The following NPHP3 variants were observed in gnomAD, a reference collection of about 807,000 sequenced individuals.
NPHP3 encodes nephrocystin 3.
NPHP3 carries 123 observed loss-of-function variants against 171.9 expected under a neutral mutation model. The observed-to-expected ratio is 0.72, with a 90% confidence interval of 0.62 to 0.83. The LOEUF (loss-of-function observed/expected upper bound fraction) is 0.83. Ranked by LOEUF, NPHP3 falls within the 40% of genes least tolerant of loss-of-function variation. The pLI, the probability that NPHP3 is intolerant of heterozygous loss-of-function variation, is 0.00. For missense variants in NPHP3, 1,506 were observed against 1,591.9 expected, an observed-to-expected ratio of 0.95 and a Z score of 0.92; for synonymous variants, 558 against 579.2, an observed-to-expected ratio of 0.96 and a Z score of 0.52.
At chr3:132,700,558 G>T in intron 10 of NPHP3, 110 bp from the exon 11 acceptor site, 1 of 611,624 alleles carries the variant, frequency 1.6e-6, no homozygotes, top group South Asian at 2.1e-5. Context: ...TGAGCAATCA[G>T]GTGGTCAGTT....
Position 132,680,987 on chromosome 3 carries a change from AT to A in NPHP3, c.*922del, listed in dbSNP as rs1939011250. The A allele has an allele frequency of 6.6e-6, 1 of 152,200 alleles. No homozygotes were observed. Among genetic ancestry groups the A allele is most frequent in the Non-Finnish European group, 1.5e-5 (1 of 68,026 alleles). The allele number at this position is 152,200 out of a possible 1,614,324, so 9.4% of individuals were successfully genotyped here. ...ATGCAGATACATATACTATATAGTA[AT>A]AAATAATACACAATGTAGACAGAAC... is the stretch of plus-strand genomic sequence containing the variant. On this transcript the variant is annotated 3_prime_UTR_variant, in exon 27 of 27. Coordinates refer to ENST00000337331, the MANE Select transcript of NPHP3 (RefSeq NM_153240.5).
intron 6 of NPHP3, among the ~76,000 whole-genome samples, chr3:132,709,209 A>C (rs985832608): frequency 1.3e-5 from 2 of 151,836 alleles, no homozygotes; most frequent in African/African-American, 4.8e-5. Flanking sequence ...TTCTAGAAAA[A>C]AAAGTCCTAG....
chr3:132,688,873 T>C lies in NPHP3; in HGVS notation c.2902A>G (p.Arg968Gly), dbSNP rs765855144. The part of the protein sequence containing the change: ...LLSQAIVPLQ[R>G]SLEIRETALD... ...GCTGTTTCTCGAATCTCTAAAGACC[T>C]CTGCAAAGGTACTATGGCCTGGGGG... The change falls in exon 21 of 27, where the codon AGG becomes GGG. Residue 968 changes from arginine to glycine, a missense_variant. By Grantham distance (125) the Arg-to-Gly change is moderately radical. This residue lies in a region of NPHP3 where 569 missense variants were observed against 648.1 expected (regional missense o/e 0.88). Transcript: ENST00000337331. 1.2e-6 allele frequency: 2 copies of C among 1,614,060 alleles called. No individual in the cohort carries two copies. The highest frequency in any genetic ancestry group is 1.1e-5 in the South Asian group (1 of 91,082).
At position 132,683,539 on chromosome 3, in the gene NPHP3, T is replaced by A. The variant is rs1212225915; in HGVS notation, c.3571-15A>T. The A allele has an allele frequency of 8.1e-6, 13 of 1,605,682 alleles. No individual in the cohort carries two copies. Among genetic ancestry groups the A allele is most frequent in the Non-Finnish European group, 1.0e-5 (12 of 1,173,562 alleles). On this transcript the variant is annotated splice_polypyrimidine_tract_variant and intron_variant, in intron 24 of 26. Coordinates refer to ENST00000337331, the MANE Select transcript of NPHP3 (RefSeq NM_153240.5). ...TCAAGTTTCCCCTAAAAAACAAGAGTTAAATCTAACAAAAATATAAGGCAA... is the reference window on the plus strand; with the variant it reads ...TCAAGTTTCCCCTAAAAAACAAGAGATAAATCTAACAAAAATATAAGGCAA...
Position 132,685,158 on chromosome 3 carries a change from C to A in NPHP3, c.3330-364G>T, listed in dbSNP as rs776635726. ...AGTTAGTACTAAATAATTTTTATTT[C>A]TTTATTTTGTTTTTTTGTATGTGTG... On this transcript the variant is annotated intron_variant, in intron 23 of 26. Coordinates refer to ENST00000337331, the MANE Select transcript of NPHP3 (RefSeq NM_153240.5). 11 of 244,888 alleles carry A rather than the reference C, an allele frequency of 4.5e-5. No homozygotes were observed. The Admixed American group carries it at 5.1e-4, about 11-fold the overall frequency. 15.2% of individuals were successfully genotyped at this position (244,888 alleles called of 1,614,324 possible). A position where few individuals can be genotyped will look rare whatever the true frequency, so the allele number is the denominator to read the frequency against.
At chr3:132,717,521 T>C (rs766673057) in intron 3 of NPHP3, among the ~76,000 whole-genome samples, 1 of 152,164 alleles carries the variant, frequency 6.6e-6, no homozygotes, top group East Asian at 1.9e-4. Context: ...AGCTTACTAT[T>C]TGTAGCTCTT....
chr3:132,717,290 T>C (rs1230958976), intron 3 of NPHP3: 1 of 201,924 alleles, frequency 5.0e-6, no homozygotes, highest in African/African-American at 2.4e-5. Context: ...AGACTGTTAC[T>C]AACACACATA....
Position 132,696,789 on chromosome 3 carries a change from G to A in NPHP3, c.2113C>T (p.Arg705Cys), listed in dbSNP as rs776393897. 1.4e-5 allele frequency: 22 copies of A among 1,613,974 alleles called. No individual in the cohort carries two copies. The highest frequency in any genetic ancestry group is 3.3e-5 in the Admixed American group (2 of 60,020). ...EQEKKLERHC[R>C]SATTCNALYV... ...AGGGCATTGCAGGTTGTAGCAGAAC[G>A]ACAGTGTCGTTCTAGCTTCTTCTCC... is the stretch of plus-strand genomic sequence containing the variant. The change falls in exon 15 of 27, where the codon CGT (arginine) becomes TGT (cysteine). Residue 705 changes from arginine to cysteine, a missense_variant. Physicochemically the swap from Arg to Cys is radical, Grantham distance 180. Coordinates refer to ENST00000337331, the MANE Select transcript of NPHP3 (RefSeq NM_153240.5).
intron 15 of NPHP3, 186 bp from the exon 16 acceptor site, chr3:132,695,151 A>G: frequency 3.5e-6 from 2 of 578,624 alleles, no homozygotes; most frequent in East Asian, 2.9e-5. Flanking sequence ...ATTTTACTAT[A>G]TATAATTTAA....
rs190737702 is a variant in NPHP3 at position 132,696,075 on chromosome 3, T to C, written c.2171+656A>G. On this transcript the variant is annotated intron_variant, in intron 15 of 26. Coordinates refer to ENST00000337331, the MANE Select transcript of NPHP3 (RefSeq NM_153240.5). ...ATTCGGTGTCTGGAAATATGTGTGC[T>C]AGAATTGCCATCTATTGCAATGAAT... is the stretch of plus-strand genomic sequence containing the variant. Among the ~76,000 whole-genome samples, 49 of 152,176 alleles carry C rather than the reference T, an allele frequency of 3.2e-4. 1 individual carries two copies. In the East Asian group the frequency reaches 7.3e-3, roughly 23 times the overall value.
In NPHP3 at chr3:132,682,301, T is replaced by C. The variant is rs1240033744; in HGVS notation, c.3813-211A>G. On this transcript the variant is annotated intron_variant, in intron 26 of 26. Coordinates refer to ENST00000337331, the MANE Select transcript of NPHP3 (RefSeq NM_153240.5). ...ATTTTTGTGTCTCATATGGATATCA[T>C]TAAAACCATGTTGTAATAGAGGCAG... 7 of 594,214 alleles carry C rather than the reference T, an allele frequency of 1.2e-5. No individual in the cohort carries two copies. In the Admixed American group the frequency reaches 1.5e-4, roughly 13 times the overall value. The allele number at this position is 594,214 out of a possible 1,614,324, so 36.8% of individuals were successfully genotyped here. A position where few individuals can be genotyped will look rare whatever the true frequency, so the allele number is the denominator to read the frequency against.
chr3:132,712,364 A>T (rs980167915), intron 6 of NPHP3: 2 of 453,308 alleles, frequency 4.4e-6, no homozygotes, highest in Non-Finnish European at 8.9e-6. Flanking sequence ...AGGGGTTATC[A>T]ACTTTTTCTG....
At position 132,699,279 on chromosome 3, in the gene NPHP3, C is replaced by T. The variant is rs2107979859; in HGVS notation, c.1985+74G>A. On this transcript the variant is annotated intron_variant, in intron 13 of 26. Coordinates refer to ENST00000337331, the MANE Select transcript of NPHP3 (RefSeq NM_153240.5). ...ATAAAAAATGTGAAAACCATAAATG[C>T]ATATTAAAAATCTTTCCTTGTTTGT... is the stretch of plus-strand genomic sequence containing the variant. 1.8e-5 allele frequency: 18 copies of T among 997,488 alleles called. No homozygotes were observed. The South Asian group carries it at 2.1e-4, about 12-fold the overall frequency. 61.8% of individuals were successfully genotyped at this position (997,488 alleles called of 1,614,324 possible). A position where few individuals can be genotyped will look rare whatever the true frequency, so the allele number is the denominator to read the frequency against.
At chr3:132,688,564 T>C in intron 21 of NPHP3, 86 bp downstream of exon 21, 1 of 1,413,958 alleles carries the variant, frequency 7.1e-7, no homozygotes, top group Non-Finnish European at 1.0e-6. Flanking sequence ...AAGTACACAG[T>C]GATAAAACAA....
Position 132,681,914 on chromosome 3 carries a change from C to G in NPHP3, c.3989G>C (p.Arg1330Thr). ...SPNVFLQQGQ[R>T] is the part of the protein sequence containing the mutation. ...AAAGAATTCTAACTGCTGCTATTAC[C>G]TTTGTCCTTGCTGAAGGAAAACATT... The change falls in exon 27 of 27, where the codon AGG becomes ACG. Residue 1330 changes from arginine to threonine, a missense_variant. Physicochemically the swap from Arg to Thr is moderately conservative, Grantham distance 71 (BLOSUM62 -1). Transcript: ENST00000337331. The G allele has an allele frequency of 1.9e-6, 3 of 1,613,410 alleles. No homozygotes were observed. Among genetic ancestry groups the G allele is most frequent in the Middle Eastern group, 1.7e-4 (1 of 6,060 alleles).
intron 10 of NPHP3, among the ~76,000 whole-genome samples, chr3:132,701,007 T>G (rs1939592129): frequency 6.6e-6 from 1 of 152,222 alleles, no homozygotes; most frequent in South Asian, 2.1e-4. Flanking sequence ...TTTGATGTTC[T>G]GTAGAATGTA....
chr3:132,702,889 C>T (rs559349189), intron 9 of NPHP3, among the ~76,000 whole-genome samples: 1 of 152,272 alleles, frequency 6.6e-6, no homozygotes, highest in South Asian at 2.1e-4. Flanking sequence ...TTATAGGATC[C>T]ATGCTTCCCA....
intron 9 of NPHP3, among the ~76,000 whole-genome samples, chr3:132,703,398 T>C (rs1026167580): frequency 6.6e-6 from 1 of 152,200 alleles, no homozygotes; most frequent in African/African-American, 2.4e-5. Flanking sequence ...GATTTCATTG[T>C]ATATTTCAAG....
intron 3 of NPHP3, chr3:132,717,202 A>C: frequency 3.2e-6 from 1 of 317,252 alleles, no homozygotes; most frequent in South Asian, 3.4e-5. Flanking sequence ...AACATTTTAC[A>C]AAAAAAAATT....
Sources: gnomAD v4.1 joint callset for allele counts (sites outside exome capture counted in the v4.1 genomes callset) on GRCh38, gnomAD v4.1.1 for gene constraint, gnomAD v4.1.1 regional missense constraint, MANE v1.5 for transcripts, NCBI Gene and HGNC (gene_info 2026-07-23, HGNC 2026-07-21) for gene names.